MAP3K5: variants seen among roughly 807,000 people sequenced by gnomAD.
MAP3K5 encodes the protein ASK-1.
A neutral mutation model predicts 158.7 loss-of-function variants in MAP3K5; 56 were observed. That is an observed-to-expected ratio of 0.35 (90% CI 0.28 to 0.44). MAP3K5 has a LOEUF of 0.44. Ranked by LOEUF, MAP3K5 falls within the 20% of genes least tolerant of loss-of-function variation. The pLI is 1.00. For missense variants in MAP3K5, 1,294 were observed against 1,674.8 expected (o/e 0.77, Z 3.97); for synonymous variants, 579 against 601.7 (o/e 0.96, Z 0.55).
chr6:136,788,944 A>G lies in MAP3K5; in HGVS notation c.448+2766T>C, dbSNP rs117370760. ...TAAATTGTTCTACCAAAAAGACACC[A>G]AACCAGATATTGAATGTTCTCACTC... On this transcript the variant is annotated intron_variant, in intron 1 of 29. Transcript: ENST00000359015. Among the ~76,000 whole-genome samples, 773 of 152,352 alleles carry G rather than the reference A, an allele frequency of 5.1e-3. 16 individuals are homozygous for G. In the South Asian group the frequency reaches 0.057, roughly 11 times the overall value.
intron 1 of MAP3K5, among the ~76,000 whole-genome samples, chr6:136,777,814 C>T (rs1582687762): frequency 6.6e-6 from 1 of 151,902 alleles, no homozygotes. Context: ...CTGGCCCAGC[C>T]TTCGAATGCT....
intron 1 of MAP3K5, among the ~76,000 whole-genome samples, chr6:136,733,738 G>C (rs985070486): frequency 2.0e-5 from 3 of 151,532 alleles, no homozygotes; most frequent in Non-Finnish European, 2.9e-5. Context: ...CTCCCCCATT[G>C]TCAACATCCC....
chr6:136,651,176 T>C (rs1427831841), intron 10 of MAP3K5, 85 bp from the exon 11 acceptor site: 5 of 653,046 alleles, frequency 7.7e-6, no homozygotes, highest in Non-Finnish European at 1.4e-5. Flanking sequence ...AGCACCAACG[T>C]AGAGGATTAT....
chr6:136,583,074 A>G (rs1460915783), intron 24 of MAP3K5, among the ~76,000 whole-genome samples: 1 of 152,262 alleles, frequency 6.6e-6, no homozygotes, highest in East Asian at 1.9e-4. Flanking sequence ...GTATTTATGA[A>G]ACAAACATGT....
chr6:136,593,642 C>A, intron 21 of MAP3K5: 1 of 392,826 alleles, frequency 2.5e-6, no homozygotes, highest in Non-Finnish European at 4.9e-6. Context: ...CTCAGCCTCA[C>A]TCCTAATGAG....
intron 21 of MAP3K5, among the ~76,000 whole-genome samples, chr6:136,599,172 G>A (rs1343744623): frequency 6.7e-6 from 1 of 148,960 alleles, no homozygotes; most frequent in African/African-American, 2.4e-5. Context: ...AAAAAAAGGG[G>A]GGGGGGGCGT....
At chr6:136,680,274 T>C in intron 7 of MAP3K5, among the ~76,000 whole-genome samples, 1 of 152,220 alleles carries the variant, frequency 6.6e-6, no homozygotes, top group Admixed American at 6.5e-5. Context: ...GATGGTTGCA[T>C]AACAATATGA....
chr6:136,693,703 C>G (rs945021757), intron 7 of MAP3K5, among the ~76,000 whole-genome samples: 1 of 151,976 alleles, frequency 6.6e-6, no homozygotes, highest in African/African-American at 2.4e-5. Context: ...AAGTTATAAA[C>G]TCTAAGATTG....
At chr6:136,688,562 T>A (rs955894191) in intron 7 of MAP3K5, among the ~76,000 whole-genome samples, 5 of 152,168 alleles carry the variant, frequency 3.3e-5, no homozygotes, top group Admixed American at 1.3e-4. Context: ...AAAGCTCTTT[T>A]GAGAGGCAGT....
At position 136,557,708 on chromosome 6, in the gene MAP3K5, G is replaced by C. The variant is rs753894742; in HGVS notation, c.*50C>G. On this transcript the variant is annotated 3_prime_UTR_variant, in exon 30 of 30. Coordinates refer to ENST00000359015, the MANE Select transcript of MAP3K5 (RefSeq NM_005923.4). ...GATTTTCCCACCCCCAAGAAGATCA[G>C]CTCTGTATTAATTTTTAGAATTTCC... 1 of 1,336,968 alleles carries C rather than the reference G, an allele frequency of 7.5e-7. No homozygotes were observed. Among genetic ancestry groups the C allele is most frequent in the Non-Finnish European group, 1.1e-6 (1 of 927,660 alleles). The allele number at this position is 1,336,968 out of a possible 1,614,324, so 82.8% of individuals were successfully genotyped here.
chr6:136,641,514 T>C (rs73777943), intron 12 of MAP3K5, among the ~76,000 whole-genome samples: 3,223 of 152,082 alleles, frequency 0.021, 109 homozygotes, highest in African/African-American at 0.074. Flanking sequence ...TAAAAAAATA[T>C]ATATATATTA....
At position 136,564,815 on chromosome 6, in the gene MAP3K5, G is replaced by A. The variant is rs545277553; in HGVS notation, c.3762-2200C>T. Among the ~76,000 whole-genome samples the A allele has an allele frequency of 2.2e-4, 33 of 152,252 alleles. No homozygotes were observed. The South Asian group carries it at 2.7e-3, about 12-fold the overall frequency. ...TTGAAAACCTAACTTAGGAGTATGC[G>A]TCTATAACAATAGCTGAGTCTTGGC... On this transcript the variant is annotated intron_variant, in intron 26 of 29. Coordinates refer to ENST00000359015, the MANE Select transcript of MAP3K5 (RefSeq NM_005923.4).
At chr6:136,790,493 T>C (rs932872054) in intron 1 of MAP3K5, among the ~76,000 whole-genome samples, 5 of 152,222 alleles carry the variant, frequency 3.3e-5, no homozygotes, top group Non-Finnish European at 7.3e-5. Flanking sequence ...TGCTCAGTTA[T>C]GAAGACCAAA....
rs554177440 is a variant in MAP3K5, at chr6:136,706,351, T to C, written c.589-1218A>G. Among the ~76,000 whole-genome samples, 138 of 152,208 alleles carry C rather than the reference T, an allele frequency of 9.1e-4. 2 individuals carry two copies. Among genetic ancestry groups the C allele is most frequent in the Non-Finnish European group, 7.6e-4 (52 of 68,004 alleles). ...ATTGAGTGAGATCATACAAATAATA[T>C]AGCTATACAGTGCCTGACACATAAA... On this transcript the variant is annotated intron_variant, in intron 2 of 29. Coordinates refer to ENST00000359015, the MANE Select transcript of MAP3K5 (RefSeq NM_005923.4).
intron 9 of MAP3K5, among the ~76,000 whole-genome samples, chr6:136,658,359 G>A (rs2114456130): frequency 7.5e-6 from 1 of 132,478 alleles, no homozygotes. Context: ...CTGTCACCCA[G>A]GTTGAAATGC....
chr6:136,744,017 T>A (rs1782825535), intron 1 of MAP3K5, among the ~76,000 whole-genome samples: 2 of 152,144 alleles, frequency 1.3e-5, no homozygotes, highest in African/African-American at 4.8e-5. Flanking sequence ...TGAGGAGGGA[T>A]GAATAGGCAG....
In MAP3K5 at chr6:136,719,110, T is replaced by C. The variant is rs1781648521; in HGVS notation, c.588+1340A>G. ...AGGATCACTTGAACGCAGGAGGTCA[T>C]GGCTGCAGTGAGCTGTGATCACGAC... On this transcript the variant is annotated intron_variant, in intron 2 of 29. Transcript: ENST00000359015. Among the ~76,000 whole-genome samples, 3 of 152,106 alleles carry C rather than the reference T, an allele frequency of 2.0e-5. No homozygotes were observed. In the South Asian group the frequency reaches 6.2e-4, roughly 31 times the overall value.
At chr6:136,760,994 A>G (rs1783726056) in intron 1 of MAP3K5, among the ~76,000 whole-genome samples, 1 of 151,954 alleles carries the variant, frequency 6.6e-6, no homozygotes, top group South Asian at 2.1e-4. Context: ...AAAACAAAAA[A>G]CCAGAGAGAA....
chr6:136,669,890 T>TGC (rs1779406035), intron 7 of MAP3K5, among the ~76,000 whole-genome samples: 1 of 147,950 alleles, frequency 6.8e-6, no homozygotes. Flanking sequence ...TCAGGGTGTG[T>TGC]GTGTGTGTGT....
Sources: allele counts gnomAD v4.1 joint callset (sites outside exome capture counted in the v4.1 genomes callset), GRCh38; gene constraint gnomAD v4.1.1; transcripts MANE v1.5; gene names NCBI Gene and HGNC (gene_info 2026-07-23, HGNC 2026-07-21).